The following AGFG2 variants were observed in gnomAD, a reference collection of about 807,000 sequenced individuals.
AGFG2 encodes arf-GAP domain and FG repeat-containing protein 2.
A neutral mutation model predicts 48.0 loss-of-function variants in AGFG2; 31 were observed. That is an observed-to-expected ratio of 0.65 (90% CI 0.49 to 0.87). AGFG2 has a LOEUF of 0.87. Ranked by LOEUF, AGFG2 falls within the 40% of genes least tolerant of loss-of-function variation. The probability of loss-of-function intolerance (pLI) is 0.00; values close to 1 mark genes in which losing one functional copy is unlikely to be tolerated. For missense variants in AGFG2, 599 were observed against 632.6 expected (o/e 0.95, Z 0.57); for synonymous variants, 229 against 260.8 (o/e 0.88, Z 1.18).
intron 11 of AGFG2, 135 bp from the exon 12 acceptor site, chr7:100,564,797 C>T (rs1800969038): frequency 1.0e-6 from 1 of 990,778 alleles, no homozygotes; most frequent in Non-Finnish European, 1.6e-6. Flanking sequence ...AGCTACCGTG[C>T]CTGGCCTTTT....
intron 6 of AGFG2, among the ~76,000 whole-genome samples, chr7:100,558,305 AAAATTTTTAGATTGATAATGG>A (rs1800796893): frequency 6.6e-6 from 1 of 152,214 alleles, no homozygotes; most frequent in African/African-American, 2.4e-5. Flanking sequence ...TCATGTTGGC[AAAATTTTTAGATTGATAATGG>A]CCAGTATTAT....
At chr7:100,564,794 G>A (rs1415464368) in intron 11 of AGFG2, 138 bp from the exon 12 acceptor site, 29 of 956,880 alleles carry the variant, frequency 3.0e-5, no homozygotes, top group Admixed American at 7.2e-5. Context: ...ATGAGCTACC[G>A]TGCCTGGCCT....
chr7:100,565,107 A>G lies in AGFG2; in HGVS notation c.*116A>G, dbSNP rs13245994. 9,905 of 1,234,230 alleles carry G rather than the reference A, an allele frequency of 8.0e-3. 67 individuals carry two copies. The highest frequency in any genetic ancestry group is 0.01 in the Non-Finnish European group (8,769 of 840,514). The allele number at this position is 1,234,230 out of a possible 1,614,324, so 76.5% of individuals were successfully genotyped here. A position where few individuals can be genotyped will look rare whatever the true frequency, so the allele number is the denominator to read the frequency against. On this transcript the variant is annotated 3_prime_UTR_variant, in exon 12 of 12. Coordinates refer to ENST00000300176, the MANE Select transcript of AGFG2 (RefSeq NM_006076.5). ...GGGCCTTGGGGATGGTGGAGGTGCT[A>G]ATGCTTTGCTTGGGGCCTACAGGTG...
At chr7:100,558,430 T>G (rs942261667) in intron 6 of AGFG2, among the ~76,000 whole-genome samples, 3 of 152,112 alleles carry the variant, frequency 2.0e-5, no homozygotes, top group African/African-American at 4.8e-5. Context: ...CTCCTAGGAA[T>G]GGGAGCACTC....
At chr7:100,553,271 T>C (rs1245667991) in intron 3 of AGFG2, 76 bp from the exon 4 acceptor site, 37 of 1,554,330 alleles carry the variant, frequency 2.4e-5, no homozygotes, top group Non-Finnish European at 3.3e-5. Context: ...GACTCCTGTG[T>C]CTTCCCAAAC....
At chr7:100,548,720 A>T (rs1175936039) in intron 1 of AGFG2, 102 bp from the exon 2 acceptor site, 3 of 803,802 alleles carry the variant, frequency 3.7e-6, no homozygotes, top group Non-Finnish European at 6.4e-6. Context: ...CTTAGTTTAT[A>T]TGCTATTCTT....
chr7:100,561,958 A>T (rs1287194680), intron 6 of AGFG2, among the ~76,000 whole-genome samples: 13 of 152,172 alleles, frequency 8.5e-5, no homozygotes, highest in Non-Finnish European at 4.4e-5. Flanking sequence ...ATGAAAGCCA[A>T]ACTGGAGCAG....
intron 1 of AGFG2, among the ~76,000 whole-genome samples, chr7:100,540,968 C>A (rs966100750): frequency 1.4e-5 from 2 of 142,616 alleles, no homozygotes; most frequent in African/African-American, 2.6e-5. Flanking sequence ...GCTGAGATTG[C>A]GCCACTGCAC....
chr7:100,550,369 A>C, intron 2 of AGFG2, 27 bp from the exon 3 acceptor site: 2 of 1,394,524 alleles, frequency 1.4e-6, no homozygotes, highest in Admixed American at 2.0e-5. Flanking sequence ...TTCTGCTCCC[A>C]CTCCTCTGAC....
intron 1 of AGFG2, among the ~76,000 whole-genome samples, chr7:100,541,645 C>G (rs1562788709): frequency 6.6e-6 from 1 of 151,854 alleles, no homozygotes; most frequent in Non-Finnish European, 1.5e-5. Flanking sequence ...TGCCTGTAAT[C>G]CCAGCTACTT....
chr7:100,555,788 A>C lies in AGFG2; in HGVS notation c.877+53A>C, dbSNP rs1800748227. On this transcript the variant is annotated intron_variant, in intron 6 of 11. Coordinates refer to ENST00000300176, the MANE Select transcript of AGFG2 (RefSeq NM_006076.5). Reference sequence around the variant, plus strand: ...CTCTTCCAACCGTGTCCATTTGTTCATGTCTATAAATCACCATTCATATCC... The same window carrying C: ...CTCTTCCAACCGTGTCCATTTGTTCCTGTCTATAAATCACCATTCATATCC... 3 of 1,603,370 alleles carry C rather than the reference A, an allele frequency of 1.9e-6. No homozygotes were observed. The East Asian group carries it at 6.7e-5, about 36-fold the overall frequency.
At chr7:100,564,015 G>A in intron 10 of AGFG2, 53 bp downstream of exon 10, 1 of 1,591,516 alleles carries the variant, frequency 6.3e-7, no homozygotes, top group Non-Finnish European at 8.5e-7. Flanking sequence ...TCTGCATAGA[G>A]ATCAGTTAGT....
intron 6 of AGFG2, chr7:100,555,988 A>T: frequency 5.2e-6 from 2 of 382,832 alleles, no homozygotes; most frequent in South Asian, 8.4e-5. Flanking sequence ...TACACTAGGA[A>T]ACTTTTCACT....
chr7:100,546,584 T>G (rs1800515434), intron 1 of AGFG2, among the ~76,000 whole-genome samples: 2 of 152,166 alleles, frequency 1.3e-5, no homozygotes, highest in Admixed American at 1.3e-4. Context: ...CCTATAATTT[T>G]TGTATCCCCC....
rs1342912192 is a variant in AGFG2, at chr7:100,563,859, T to G, written c.1197T>G (p.Ala399=). The G allele has an allele frequency of 9.3e-6, 15 of 1,611,332 alleles. No homozygotes were observed. Among genetic ancestry groups the G allele is most frequent in the Non-Finnish European group, 1.1e-5 (13 of 1,180,016 alleles). Residue 399 remains alanine, a synonymous_variant, in exon 10 of 12, where the codon GCT becomes GCG. Transcript: ENST00000300176. ...APGPGFGMSS[A]GPGFPQAVPP... is the part of the protein sequence containing the mutation. ...GGCCCGGCTTTGGGATGAGCAGTGC[T>G]GGGCCTGGCTTCCCCCAGGCAGTGC...
At chr7:100,558,549 T>G (rs1800803745) in intron 6 of AGFG2, among the ~76,000 whole-genome samples, 2 of 151,354 alleles carry the variant, frequency 1.3e-5, no homozygotes, top group African/African-American at 4.9e-5. Context: ...GTTTTTGTTT[T>G]TTTTTTTTTT....
chr7:100,539,272 A>G lies in AGFG2; in HGVS notation c.-75A>G, dbSNP rs1290617859. On this transcript the variant is annotated 5_prime_UTR_variant, in exon 1 of 12. Transcript: ENST00000300176. ...TCTGTCAGGGGAGCCGGGCGTGCGG[A>G]GGCGGCTGAGGAGGCGGGAAGGCGG... The G allele has an allele frequency of 8.0e-7, 1 of 1,252,980 alleles. No individual in the cohort carries two copies. Among genetic ancestry groups the G allele is most frequent in the African/African-American group, 1.6e-5 (1 of 64,310 alleles). 77.6% of individuals were successfully genotyped at this position (1,252,980 alleles called of 1,614,324 possible). A position where few individuals can be genotyped will look rare whatever the true frequency, so the allele number is the denominator to read the frequency against.
Position 100,539,414 on chromosome 7 carries a change from A to AGGCGGC in AGFG2, c.69_74dup (p.Ala24_Ala25dup), listed in dbSNP as rs756184111. On this transcript the variant is annotated inframe_insertion, in exon 1 of 12. Transcript: ENST00000300176. Reference sequence around the variant, plus strand: ...GTCAGCGGGGGCAAGGCGGAGGCGGAGGCGGCCTCGGAGGTGTGGTGCCGT... The same window carrying AGGCGGC: ...GTCAGCGGGGGCAAGGCGGAGGCGGAGGCGGCGGCGGCCTCGGAGGTGTGGTGCCGT... 85 of 1,315,164 alleles carry AGGCGGC rather than the reference A, an allele frequency of 6.5e-5. No homozygotes were observed. Among genetic ancestry groups the AGGCGGC allele is most frequent in the South Asian group, 1.0e-4 (5 of 47,790 alleles). 81.5% of individuals were successfully genotyped at this position (1,315,164 alleles called of 1,614,324 possible). A position where few individuals can be genotyped will look rare whatever the true frequency, so the allele number is the denominator to read the frequency against.
chr7:100,550,323 A>T, intron 2 of AGFG2, 73 bp from the exon 3 acceptor site: 1 of 992,408 alleles, frequency 1.0e-6, no homozygotes, highest in South Asian at 1.5e-5. Context: ...AAAAAAAAAA[A>T]AAAAAAAGGA....
Sources: gnomAD v4.1 joint callset for allele counts (sites outside exome capture counted in the v4.1 genomes callset) on GRCh38, gnomAD v4.1.1 for gene constraint, MANE v1.5 for transcripts, NCBI Gene and HGNC (gene_info 2026-07-23, HGNC 2026-07-21) for gene names.